Variants in INSL6 observed in about 807,000 individuals in gnomAD.
INSL6 encodes the protein insulin-like peptide INSL6.
Under a neutral mutation model 9.4 loss-of-function variants are expected in INSL6, and 16 were observed. The ratio of observed to expected loss-of-function variants is 1.70; its 90% CI spans 1.15 to 2.59. The LOEUF (loss-of-function observed/expected upper bound fraction) is 2.59, where lower values mean the gene tolerates loss of function less well. Ranked by LOEUF, INSL6 falls within the 30% of genes most tolerant of loss-of-function variation. The probability of loss-of-function intolerance (pLI) is 0.00; values close to 1 mark genes in which losing one functional copy is unlikely to be tolerated. For synonymous variants in INSL6, 154 were observed against 96.9 expected (o/e 1.59, Z -3.46); for missense variants, 391 against 257.3 (o/e 1.52, Z -3.56).
chr9:5,013,177 C>G, the INSL6 span, among the ~76,000 whole-genome samples: 1 of 151,894 alleles, frequency 6.6e-6, no homozygotes, highest in Non-Finnish European at 1.5e-5. Flanking sequence ...GAAAACAACC[C>G]AAAGCACTTT....
At chr9:5,075,107 G>A in the INSL6 span, among the ~76,000 whole-genome samples, 1 of 152,048 alleles carries the variant, frequency 6.6e-6, no homozygotes, top group Non-Finnish European at 1.5e-5. Flanking sequence ...AAGGCTGAGA[G>A]AGGTGAGGAA....
chr9:5,116,837 A>G, the INSL6 span, among the ~76,000 whole-genome samples: 1 of 152,254 alleles, frequency 6.6e-6, no homozygotes, highest in African/African-American at 2.4e-5. Context: ...AGGAAAAGTC[A>G]TATGTATAAT....
At chr9:5,067,942 A>C in the INSL6 span, among the ~76,000 whole-genome samples, 1 of 152,120 alleles carries the variant, frequency 6.6e-6, no homozygotes, top group East Asian at 1.9e-4. Flanking sequence ...TCACGAGGTC[A>C]AGAGATTGAG....
chr9:5,177,699 T>A (rs942379476), intron 1 of INSL6, among the ~76,000 whole-genome samples: 2 of 151,752 alleles, frequency 1.3e-5, no homozygotes, highest in African/African-American at 4.8e-5. Flanking sequence ...AAAGCTGGAG[T>A]CCACCTGAAA....
At chr9:5,035,665 T>C in the INSL6 span, among the ~76,000 whole-genome samples, 5 of 152,216 alleles carry the variant, frequency 3.3e-5, no homozygotes, top group Non-Finnish European at 7.3e-5. Context: ...AAAAGGTCTT[T>C]GGCAAAATTC....
At chr9:5,007,508 A>G in the INSL6 span, among the ~76,000 whole-genome samples, 2 of 152,104 alleles carry the variant, frequency 1.3e-5, no homozygotes, top group Non-Finnish European at 2.9e-5. Flanking sequence ...TTTTCAATGC[A>G]TACGTGAGTT....
chr9:5,004,348 A>G, the INSL6 span, among the ~76,000 whole-genome samples: 1 of 151,942 alleles, frequency 6.6e-6, no homozygotes, highest in African/African-American at 2.4e-5. Flanking sequence ...TATGATTTCT[A>G]CTTTTTTAGA....
intron 1 of INSL6, among the ~76,000 whole-genome samples, chr9:5,180,570 T>G (rs1171401811): frequency 6.6e-6 from 1 of 152,170 alleles, no homozygotes; most frequent in African/African-American, 2.4e-5. Context: ...GTCTGTCTTA[T>G]GTCGTTGACA....
intron 1 of INSL6, among the ~76,000 whole-genome samples, chr9:5,171,457 A>G (rs1825178891): frequency 6.6e-6 from 1 of 152,218 alleles, no homozygotes; most frequent in Non-Finnish European, 1.5e-5. Flanking sequence ...CTCCTATTCA[A>G]CATAGTATCT....
the INSL6 span, among the ~76,000 whole-genome samples, chr9:5,010,035 T>C: frequency 2.6e-5 from 4 of 152,202 alleles, no homozygotes; most frequent in African/African-American, 9.7e-5. Flanking sequence ...GACTTCCAAA[T>C]TGCTGGGATT....
the INSL6 span, chr9:5,041,688 AG>A: frequency 5.9e-6 from 3 of 511,264 alleles, no homozygotes; most frequent in Admixed American, 2.2e-5. Context: ...CTTCGACCGA[AG>A]CGGCTTCGTG....
the INSL6 span, among the ~76,000 whole-genome samples, chr9:5,034,418 C>A: frequency 6.6e-6 from 1 of 152,138 alleles, no homozygotes; most frequent in Non-Finnish European, 1.5e-5. Flanking sequence ...AACTCTCCAC[C>A]CCAAATCAAC....
the INSL6 span, among the ~76,000 whole-genome samples, chr9:5,080,984 C>T: frequency 6.7e-6 from 1 of 148,458 alleles, no homozygotes; most frequent in Non-Finnish European, 1.5e-5. Context: ...CAAGCTCCAC[C>T]TCCAAGGTTC....
At chr9:5,016,220 T>A in the INSL6 span, among the ~76,000 whole-genome samples, 1 of 152,328 alleles carries the variant, frequency 6.6e-6, no homozygotes, top group African/African-American at 2.4e-5. Flanking sequence ...AACTTCAGGA[T>A]GAAGTGAAGT....
At chr9:5,020,488 G>C in the INSL6 span, among the ~76,000 whole-genome samples, 1 of 152,180 alleles carries the variant, frequency 6.6e-6, no homozygotes, top group Non-Finnish European at 1.5e-5. Context: ...TCAGGTGGGG[G>C]CAGCAGTGGC....
At chr9:5,103,148 C>A in the INSL6 span, among the ~76,000 whole-genome samples, 1 of 133,938 alleles carries the variant, frequency 7.5e-6, no homozygotes, top group African/African-American at 2.8e-5. Flanking sequence ...TTCAGGAGAC[C>A]AATCTCATGT....
intron 2 of INSL6, among the ~76,000 whole-genome samples, chr9:5,144,544 ATT>A (rs757088265): frequency 2.0e-5 from 3 of 152,004 alleles, no homozygotes; most frequent in Non-Finnish European, 4.4e-5. Context: ...ATCTTTGTTA[ATT>A]TTCTGTCTTG....
chr9:5,052,017 T>C, the INSL6 span, among the ~76,000 whole-genome samples: 2 of 152,176 alleles, frequency 1.3e-5, no homozygotes, highest in African/African-American at 4.8e-5. Context: ...GAATACTTGC[T>C]GTATGCCAGG....
chr9:5,088,011 T>G, the INSL6 span, among the ~76,000 whole-genome samples: 13 of 152,214 alleles, frequency 8.5e-5, no homozygotes, highest in Non-Finnish European at 1.9e-4. Context: ...CATTGTTAAG[T>G]AGAGGGGAAG....
Sources: allele counts gnomAD v4.1 joint callset (sites outside exome capture counted in the v4.1 genomes callset), GRCh38; gene constraint gnomAD v4.1.1; transcripts MANE v1.5; gene names NCBI Gene and HGNC (gene_info 2026-07-23, HGNC 2026-07-21).